ZMIZ1: variants seen among roughly 807,000 people sequenced by gnomAD.
The protein encoded by ZMIZ1 is zinc finger MIZ domain-containing protein 1.
Under a neutral mutation model 113.9 loss-of-function variants are expected in ZMIZ1, and 17 were observed. The ratio of observed to expected loss-of-function variants is 0.15; its 90% CI spans 0.10 to 0.22. The LOEUF (loss-of-function observed/expected upper bound fraction) is 0.22, where lower values mean the gene tolerates loss of function less well. Among genes scored for constraint, ZMIZ1 ranks in the 10% least tolerant of loss-of-function variants. The probability of loss-of-function intolerance (pLI) is 1.00; values close to 1 mark genes in which losing one functional copy is unlikely to be tolerated. For missense variants in ZMIZ1, 1,059 were observed against 1,477.8 expected, an observed-to-expected ratio of 0.72 and a Z score of 4.65; for synonymous variants, 607 against 603.1, an observed-to-expected ratio of 1.01 and a Z score of -0.09.
intron 4 of ZMIZ1, among the ~76,000 whole-genome samples, chr10:79,195,616 G>A (rs1847801472): frequency 6.6e-6 from 1 of 152,222 alleles, no homozygotes; most frequent in South Asian, 2.1e-4. Context: ...GGCGAAGGGC[G>A]ACCTCTGCTG....
chr10:79,070,735 C>A (rs1006689411), intron 1 of ZMIZ1, among the ~76,000 whole-genome samples: 2 of 152,048 alleles, frequency 1.3e-5, no homozygotes, highest in African/African-American at 4.8e-5. Flanking sequence ...ACGGCCGGGT[C>A]CCTGCTTCGG....
intron 4 of ZMIZ1, among the ~76,000 whole-genome samples, chr10:79,191,373 C>CG (rs34204798): frequency 0.4 from 60,573 of 151,056 alleles, 12,563 homozygotes; most frequent in Non-Finnish European, 0.45. Flanking sequence ...AGCTGGTGGT[C>CG]GGGGGGGGTC....
At chr10:79,127,725 G>A (rs1844579828) in intron 2 of ZMIZ1, among the ~76,000 whole-genome samples, 1 of 152,174 alleles carries the variant, frequency 6.6e-6, no homozygotes, top group Non-Finnish European at 1.5e-5. Flanking sequence ...TCAGGGCCAT[G>A]CAGGAGGTGA....
At chr10:79,278,312 T>C (rs1250537) in intron 8 of ZMIZ1, among the ~76,000 whole-genome samples, 48,195 of 152,100 alleles carry the variant, frequency 0.32, 8,077 homozygotes, top group East Asian at 0.45. Context: ...CCTCCTCAGA[T>C]CCTGGGTCTG....
chr10:79,291,105 C>T lies in ZMIZ1; in HGVS notation c.687C>T (p.Pro229=), dbSNP rs149025019. Residue 229 remains proline (P), a synonymous_variant, in exon 10 of 25, where the codon CCC becomes CCT. Transcript: ENST00000334512. ...AGCAGTTCTCAGCCAAGGCTGGCCC[C>T]GCTCAGCCCTACATCCAGCAGAGCA... ...QQQQFSAKAG[P]AQPYIQQSMY... 239 of 1,614,218 alleles carry T rather than the reference C, an allele frequency of 1.5e-4. 1 individual carries two copies. In the African/African-American group the frequency reaches 2.7e-3, roughly 18 times the overall value.
chr10:79,282,519 G>A (rs547884302), intron 8 of ZMIZ1, among the ~76,000 whole-genome samples: 2 of 152,302 alleles, frequency 1.3e-5, no homozygotes, highest in African/African-American at 4.8e-5. Context: ...GTCATATTTG[G>A]AGAGCTCGGG....
intron 7 of ZMIZ1, among the ~76,000 whole-genome samples, chr10:79,242,314 C>T (rs1338422861): frequency 1.3e-5 from 2 of 152,062 alleles, no homozygotes; most frequent in Non-Finnish European, 2.9e-5. Context: ...CCGCCCCCGG[C>T]TTCCCTCCTG....
At chr10:79,133,587 G>A (rs1844865142) in intron 2 of ZMIZ1, among the ~76,000 whole-genome samples, 1 of 152,168 alleles carries the variant, frequency 6.6e-6, no homozygotes, top group South Asian at 2.1e-4. Flanking sequence ...TGCCAGGGAG[G>A]CCATTCCTAG....
chr10:79,241,547 A>G (rs1849831354), intron 7 of ZMIZ1, among the ~76,000 whole-genome samples: 1 of 152,046 alleles, frequency 6.6e-6, no homozygotes, highest in Admixed American at 6.5e-5. Flanking sequence ...TCTTGCAGGA[A>G]GCTAGTTCGT....
intron 18 of ZMIZ1, among the ~76,000 whole-genome samples, chr10:79,302,696 TTTTTTTTTTGA>T (rs1237633833): frequency 1.5e-5 from 2 of 133,232 alleles, no homozygotes; most frequent in African/African-American, 2.8e-5. Flanking sequence ...TTTTTTTTTT[TTTTTTTTTTGA>T]GAGAGAGAGA....
At chr10:79,212,168 A>T (rs933686335) in intron 6 of ZMIZ1, among the ~76,000 whole-genome samples, 2 of 150,268 alleles carry the variant, frequency 1.3e-5, no homozygotes, top group African/African-American at 2.5e-5. Context: ...AATTTTTTTT[A>T]AATTTTAGAG....
In ZMIZ1 at chr10:79,169,226, G is replaced by T. The variant is rs963526074; in HGVS notation, c.-50+7093G>T. ...CCCCTGCCAGTTTTCTCTGGTCCCT[G>T]GCCTCACCCAGACTTCCCGTCACAA... On this transcript the variant is annotated intron_variant, in intron 4 of 24. Coordinates refer to ENST00000334512, the MANE Select transcript of ZMIZ1 (RefSeq NM_020338.4). 2.0e-5 allele frequency among the ~76,000 whole-genome samples: 3 copies of T among 152,272 alleles called. No homozygotes were observed. In the South Asian group the frequency reaches 6.2e-4, roughly 32 times the overall value.
chr10:79,070,151 G>GGC (rs1554845564), intron 1 of ZMIZ1, among the ~76,000 whole-genome samples: 35 of 151,292 alleles, frequency 2.3e-4, no homozygotes, highest in African/African-American at 7.3e-4. Flanking sequence ...GGGGTCGGGG[G>GGC]GGGGAGGCGG....
intron 7 of ZMIZ1, among the ~76,000 whole-genome samples, chr10:79,249,026 G>A (rs1034906714): frequency 1.3e-5 from 2 of 152,174 alleles, no homozygotes; most frequent in African/African-American, 4.8e-5. Context: ...TTCACTGTGC[G>A]CAGAAGATTT....
At chr10:79,276,497 G>C (rs1468795568) in intron 7 of ZMIZ1, among the ~76,000 whole-genome samples, 1 of 152,168 alleles carries the variant, frequency 6.6e-6, no homozygotes, top group Non-Finnish European at 1.5e-5. Flanking sequence ...GCTGCCTCCT[G>C]CTTGGCCCCC....
chr10:79,215,971 G>A (rs1355953403), intron 6 of ZMIZ1, among the ~76,000 whole-genome samples, 198 bp from the exon 7 acceptor site: 1 of 152,206 alleles, frequency 6.6e-6, no homozygotes, highest in East Asian at 1.9e-4. Context: ...ACGGGGCCAG[G>A]ATCCCAGGGC....
At chr10:79,156,415 T>C (rs1200938672) in intron 3 of ZMIZ1, among the ~76,000 whole-genome samples, 3 of 152,184 alleles carry the variant, frequency 2.0e-5, no homozygotes, top group Non-Finnish European at 4.4e-5. Context: ...CAGCCACGAC[T>C]TCCCACGATC....
Position 79,313,864 on chromosome 10 carries a change from C to G in ZMIZ1, c.*1115C>G. The G allele has an allele frequency of 2.8e-6, 1 of 362,856 alleles. No homozygotes were observed. The highest frequency in any genetic ancestry group is 2.0e-5 in the South Asian group (1 of 49,064). 22.5% of individuals were successfully genotyped at this position (362,856 alleles called of 1,614,324 possible). A position where few individuals can be genotyped will look rare whatever the true frequency, so the allele number is the denominator to read the frequency against. ...GTCCAATCAGATGGCAAGGGCAGTG[C>G]GTGGAAAGGCCGGGGAGGTGCAGAA... is the stretch of plus-strand genomic sequence containing the variant. On this transcript the variant is annotated 3_prime_UTR_variant, in exon 25 of 25. Coordinates refer to ENST00000334512, the MANE Select transcript of ZMIZ1 (RefSeq NM_020338.4).
At chr10:79,307,339 G>C (rs1417569363) in intron 22 of ZMIZ1, 66 bp from the exon 23 acceptor site, 1 of 1,504,792 alleles carries the variant, frequency 6.6e-7, no homozygotes, top group African/African-American at 1.4e-5. Context: ...CACACTCTCT[G>C]TTCCCTGGGG....
Sources: allele counts gnomAD v4.1 joint callset (sites outside exome capture counted in the v4.1 genomes callset), GRCh38; gene constraint gnomAD v4.1.1; transcripts MANE v1.5; gene names NCBI Gene and HGNC (gene_info 2026-07-23, HGNC 2026-07-21).